The following LIN28B variants were observed in gnomAD, a reference collection of about 807,000 sequenced individuals.
LIN28B encodes protein lin-28 homolog B.
LIN28B carries 5 observed loss-of-function variants against 21.9 expected under a neutral mutation model. That is an observed-to-expected ratio of 0.23 (90% CI 0.12 to 0.48). LIN28B has a LOEUF of 0.48. Among genes scored for constraint, LIN28B ranks in the 20% least tolerant of loss-of-function variants. The pLI is 0.98. For synonymous variants in LIN28B, 109 were observed against 111.3 expected (o/e 0.98, Z 0.13); for missense variants, 245 against 310.5 (o/e 0.79, Z 1.58).
In LIN28B at chr6:105,078,563, G is replaced by A; in HGVS notation, c.533G>A (p.Gly178Glu). Residue 178 changes from glycine (G) to glutamate (E), a missense_variant, in exon 4 of 4, where the codon GGA (glycine) becomes GAA (glutamate). By Grantham distance (98) the Gly-to-Glu change is moderately conservative (BLOSUM62 -2). Transcript: ENST00000345080. ...NVAQPPASSQ[G>E]RQEAESQPCT... ...GCACAGCCACCCGCGAGTTCTCAGG[G>A]AAGACAGGAAGCAGAATCCCAGCCA... 6.2e-7 allele frequency: 1 copy of A among 1,614,102 alleles called. No homozygotes were observed. Among genetic ancestry groups the A allele is most frequent in the Middle Eastern group, 1.7e-4 (1 of 6,060 alleles).
intron 3 of LIN28B, among the ~76,000 whole-genome samples, chr6:105,059,356 G>T (rs1562110251): frequency 6.6e-6 from 1 of 152,098 alleles, no homozygotes; most frequent in Non-Finnish European, 1.5e-5. Context: ...AGCTTTGGCT[G>T]CAGTTCTTGT....
intron 2 of LIN28B, among the ~76,000 whole-genome samples, chr6:104,943,437 C>T (rs888778261): frequency 6.6e-6 from 1 of 151,930 alleles, no homozygotes; most frequent in South Asian, 2.1e-4. Flanking sequence ...ATAATTGAAG[C>T]GCTAGGCACA....
intron 2 of LIN28B, among the ~76,000 whole-genome samples, chr6:104,967,020 C>T (rs1769876689): frequency 3.3e-5 from 5 of 152,186 alleles, no homozygotes; most frequent in Non-Finnish European, 7.4e-5. Flanking sequence ...CCCACCTCAG[C>T]CTGCCAAAGT....
chr6:105,017,698 T>A (rs1771056960), intron 2 of LIN28B, among the ~76,000 whole-genome samples: 1 of 151,084 alleles, frequency 6.6e-6, no homozygotes, highest in Admixed American at 6.6e-5. Context: ...TGGGTTCTTA[T>A]GGACATAAAT....
At chr6:104,981,623 C>A (rs765582699) in intron 2 of LIN28B, among the ~76,000 whole-genome samples, 1 of 152,102 alleles carries the variant, frequency 6.6e-6, no homozygotes, top group Non-Finnish European at 1.5e-5. Context: ...TTGTACAGTG[C>A]GATTTGTAAA....
intron 2 of LIN28B, among the ~76,000 whole-genome samples, chr6:104,997,732 A>T (rs952486292): frequency 6.6e-6 from 1 of 152,336 alleles, no homozygotes; most frequent in African/African-American, 2.4e-5. Flanking sequence ...CAGAATTTAT[A>T]ATCTGCACAT....
At chr6:105,023,500 ATTATAT>A (rs1303789492) in intron 2 of LIN28B, among the ~76,000 whole-genome samples, 2 of 2,230 alleles carry the variant, frequency 9.0e-4, no homozygotes, top group African/African-American at 1.9e-3. Context: ...AATATATATA[ATTATAT>A]TATATAATAT....
rs769041287 is a variant in LIN28B at position 105,026,891 on chromosome 6, G to A, written c.383+409G>A. Among the ~76,000 whole-genome samples, 51 of 151,952 alleles carry A rather than the reference G, an allele frequency of 3.4e-4. 1 individual carries two copies. The highest frequency in any genetic ancestry group is 1.6e-4 in the Non-Finnish European group (11 of 67,974). ...AGAAAGTCCAAATAATATAAAAACC[G>A]TAAAGAGGAAAAAATCACTTGAAAT... On this transcript the variant is annotated intron_variant, in intron 3 of 3. Transcript: ENST00000345080.
At chr6:104,972,410 G>A (rs1280430016) in intron 2 of LIN28B, among the ~76,000 whole-genome samples, 3 of 152,176 alleles carry the variant, frequency 2.0e-5, no homozygotes, top group Non-Finnish European at 2.9e-5. Context: ...ATTTGGAAGT[G>A]AAAGGGGAAA....
chr6:104,975,466 C>G (rs1432379401), intron 2 of LIN28B, among the ~76,000 whole-genome samples: 1 of 152,136 alleles, frequency 6.6e-6, no homozygotes, highest in East Asian at 1.9e-4. Context: ...ACCATTTTTT[C>G]TTAACTGATT....
At chr6:104,943,375 A>G (rs1438476234) in intron 2 of LIN28B, among the ~76,000 whole-genome samples, 2 of 152,202 alleles carry the variant, frequency 1.3e-5, no homozygotes, top group African/African-American at 4.8e-5. Flanking sequence ...AAGTTATTAA[A>G]TAAAACATGT....
intron 3 of LIN28B, among the ~76,000 whole-genome samples, chr6:105,042,868 CT>C (rs1160312333): frequency 2.0e-4 from 30 of 151,996 alleles, no homozygotes; most frequent in Non-Finnish European, 5.9e-5. Flanking sequence ...ACAGAGGTGG[CT>C]TTTAGCCTCT....
intron 3 of LIN28B, among the ~76,000 whole-genome samples, chr6:105,030,612 T>TTTTTTTC (rs1562099097): frequency 1.4e-5 from 2 of 147,384 alleles, no homozygotes; most frequent in African/African-American, 5.0e-5. Flanking sequence ...TTTTTTTTTT[T>TTTTTTTC]TGGAGACAGA....
chr6:104,987,863 C>T (rs1056131827), intron 2 of LIN28B, among the ~76,000 whole-genome samples: 1 of 152,098 alleles, frequency 6.6e-6, no homozygotes, highest in Non-Finnish European at 1.5e-5. Context: ...CCTGCCCCAG[C>T]CTTCCGAGTA....
At chr6:104,983,975 G>T (rs1215329395) in intron 2 of LIN28B, among the ~76,000 whole-genome samples, 1 of 152,170 alleles carries the variant, frequency 6.6e-6, no homozygotes, top group Non-Finnish European at 1.5e-5. Flanking sequence ...ACTATGACAA[G>T]TAAGTCACGA....
intron 2 of LIN28B, among the ~76,000 whole-genome samples, chr6:104,997,297 A>G (rs1343534681): frequency 6.8e-6 from 1 of 147,042 alleles, no homozygotes; most frequent in Non-Finnish European, 1.5e-5. Flanking sequence ...AAAAAAAAAG[A>G]AAAGAAAAAG....
chr6:104,951,215 T>G (rs1049794861), intron 3 of LIN28B, among the ~76,000 whole-genome samples: 1 of 152,156 alleles, frequency 6.6e-6, no homozygotes. Flanking sequence ...CATACCACTT[T>G]GAAGGCACAC....
At chr6:105,012,912 T>C (rs1770953295) in intron 2 of LIN28B, among the ~76,000 whole-genome samples, 1 of 152,214 alleles carries the variant, frequency 6.6e-6, no homozygotes, top group South Asian at 2.1e-4. Context: ...AAAGTAGATC[T>C]ACCATTTTAT....
intron 3 of LIN28B, among the ~76,000 whole-genome samples, chr6:105,055,995 A>C (rs976239834): frequency 7.1e-6 from 1 of 141,808 alleles, no homozygotes; most frequent in Non-Finnish European, 1.5e-5. Flanking sequence ...TCCTGGGCTC[A>C]AGCAGTCCTT....
Sources: allele counts gnomAD v4.1 joint callset (sites outside exome capture counted in the v4.1 genomes callset), GRCh38; gene constraint gnomAD v4.1.1; transcripts MANE v1.5; gene names NCBI Gene and HGNC (gene_info 2026-07-23, HGNC 2026-07-21).